The following HERC3 variants were observed in gnomAD, a reference collection of about 807,000 sequenced individuals.
The protein encoded by HERC3 is HECT and RLD domain containing E3 ubiquitin protein ligase 3, also known as probable E3 ubiquitin-protein ligase HERC3.
A neutral mutation model predicts 129.9 loss-of-function variants in HERC3; 58 were observed. That is an observed-to-expected ratio of 0.45 (90% CI 0.36 to 0.56). The LOEUF (loss-of-function observed/expected upper bound fraction) is 0.56. Ranked by LOEUF, HERC3 falls within the 20% of genes least tolerant of loss-of-function variation. HERC3 has a pLI of 0.00. For synonymous variants in HERC3, 430 were observed against 451.0 expected, an observed-to-expected ratio of 0.95 and a Z score of 0.59; for missense variants, 835 against 1,244.2, an observed-to-expected ratio of 0.67 and a Z score of 4.95.
At chr4:88,574,311 G>T in the HERC3 span, among the ~76,000 whole-genome samples, 3 of 152,276 alleles carry the variant, frequency 2.0e-5, no homozygotes, top group Admixed American at 2.0e-4. Context: ...GATCTGGAAA[G>T]TAAAGGAAGG....
the HERC3 span, among the ~76,000 whole-genome samples, chr4:88,538,545 CTT>C: frequency 0.01 from 1,341 of 129,720 alleles, 24 homozygotes; most frequent in African/African-American, 0.033. Context: ...CCAATTTCCT[CTT>C]TTTTTTTTTT....
chr4:88,562,215 T>C, the HERC3 span, among the ~76,000 whole-genome samples: 3 of 152,232 alleles, frequency 2.0e-5, no homozygotes, highest in African/African-American at 7.2e-5. Flanking sequence ...TGATATCTCA[T>C]TGTAATTTTG....
chr4:88,543,296 A>G, the HERC3 span, among the ~76,000 whole-genome samples: 2 of 152,212 alleles, frequency 1.3e-5, no homozygotes, highest in African/African-American at 2.4e-5. Context: ...CACCAAGAAC[A>G]GACAGAGAGC....
intron 2 of HERC3, among the ~76,000 whole-genome samples, chr4:88,596,725 G>A (rs932900339): frequency 6.6e-5 from 10 of 152,220 alleles, no homozygotes; most frequent in African/African-American, 2.4e-4. Flanking sequence ...AACAATAAAA[G>A]GACAGAAGCA....
chr4:88,538,870 T>A, the HERC3 span, among the ~76,000 whole-genome samples: 1 of 152,068 alleles, frequency 6.6e-6, no homozygotes, highest in Non-Finnish European at 1.5e-5. Flanking sequence ...AAGACATCTG[T>A]CATATTGAAT....
intron 2 of HERC3, among the ~76,000 whole-genome samples, chr4:88,603,552 T>C (rs916747614): frequency 6.6e-6 from 1 of 152,134 alleles, no homozygotes; most frequent in Admixed American, 6.5e-5. Flanking sequence ...GCATCTACTG[T>C]TTTATAAGGC....
chr4:88,682,228 CT>C (rs1308893830), intron 21 of HERC3, among the ~76,000 whole-genome samples: 1 of 152,134 alleles, frequency 6.6e-6, no homozygotes, highest in Non-Finnish European at 1.5e-5. Context: ...AGTAGAATTG[CT>C]GAGTAACTCT....
chr4:88,677,505 A>C (rs1243077221), intron 18 of HERC3, among the ~76,000 whole-genome samples: 1 of 151,846 alleles, frequency 6.6e-6, no homozygotes. Context: ...ATCTATCTAT[A>C]TATATGTTTG....
At chr4:88,676,678 T>G (rs1732202836) in intron 18 of HERC3, among the ~76,000 whole-genome samples, 1 of 152,250 alleles carries the variant, frequency 6.6e-6, no homozygotes, top group Non-Finnish European at 1.5e-5. Context: ...TGGTCTCTGT[T>G]ACAACTATTC....
intron 16 of HERC3, among the ~76,000 whole-genome samples, chr4:88,671,286 G>A (rs1731588841): frequency 1.3e-5 from 2 of 152,122 alleles, no homozygotes; most frequent in Admixed American, 1.3e-4. Flanking sequence ...TGCCAGTGTA[G>A]CAGGTTCATC....
At position 88,668,027 on chromosome 4, in the gene HERC3, A is replaced by G. The variant is rs891650309; in HGVS notation, c.1579A>G (p.Ile527Val). ...QDSKYYITLT[I>V]PLAMAILRLD... ...TTCCAAGTATTATATAACATTGACT[A>G]TTCCCTTGGCTATGGCCATTCTTCG... is the stretch of plus-strand genomic sequence containing the variant. Residue 527 changes from isoleucine to valine, a missense_variant, in exon 14 of 26, where the codon ATT (isoleucine) becomes GTT (valine). Physicochemically the swap from Ile to Val is conservative, Grantham distance 29. Transcript: ENST00000402738. 1 of 1,613,720 alleles carries G rather than the reference A, an allele frequency of 6.2e-7. No individual in the cohort carries two copies. The highest frequency in any genetic ancestry group is 8.5e-7 in the Non-Finnish European group (1 of 1,179,708).
At chr4:88,647,690 A>G (rs1480542845) in intron 3 of HERC3, among the ~76,000 whole-genome samples, 1 of 152,176 alleles carries the variant, frequency 6.6e-6, no homozygotes, top group Non-Finnish European at 1.5e-5. Context: ...TTCAGTTAAA[A>G]AAAGTGTTAT....
chr4:88,536,796 A>G, the HERC3 span, among the ~76,000 whole-genome samples: 4 of 152,144 alleles, frequency 2.6e-5, no homozygotes, highest in Admixed American at 2.6e-4. Context: ...TTCAAAACAT[A>G]TAAACTCTTT....
intron 3 of HERC3, among the ~76,000 whole-genome samples, chr4:88,614,484 G>A (rs1412814554): frequency 6.6e-6 from 1 of 152,086 alleles, no homozygotes; most frequent in African/African-American, 2.4e-5. Flanking sequence ...TGCCCACCCA[G>A]AAGCTTGTAT....
At chr4:88,568,713 C>G in the HERC3 span, among the ~76,000 whole-genome samples, 1 of 151,916 alleles carries the variant, frequency 6.6e-6, no homozygotes, top group African/African-American at 2.4e-5. Flanking sequence ...TCCTTCAAGT[C>G]AGTGGGTTGT....
chr4:88,645,666 T>C, intron 3 of HERC3, among the ~76,000 whole-genome samples: 1 of 152,128 alleles, frequency 6.6e-6, no homozygotes, highest in Non-Finnish European at 1.5e-5. Context: ...ACAGCATGGA[T>C]ATGCTGGACA....
intron 17 of HERC3, 23 bp from the exon 18 acceptor site, chr4:88,676,311 G>A: frequency 6.3e-7 from 1 of 1,587,822 alleles, no homozygotes; most frequent in Non-Finnish European, 8.6e-7. Flanking sequence ...GTATAATACT[G>A]TCAATAATGT....
At chr4:88,533,674 A>C in the HERC3 span, among the ~76,000 whole-genome samples, 1 of 152,192 alleles carries the variant, frequency 6.6e-6, no homozygotes, top group Non-Finnish European at 1.5e-5. Flanking sequence ...TTGTTTCTTC[A>C]TAAGTCTTCT....
the HERC3 span, chr4:88,584,020 T>C: frequency 3.9e-5 from 6 of 152,220 alleles, no homozygotes; most frequent in Admixed American, 3.3e-4. Context: ...TATATTACTT[T>C]GCTAGGGCTA....
Sources: allele counts gnomAD v4.1 joint callset (sites outside exome capture counted in the v4.1 genomes callset), GRCh38; gene constraint gnomAD v4.1.1; transcripts MANE v1.5; gene names NCBI Gene and HGNC (gene_info 2026-07-23, HGNC 2026-07-21).